The following TANGO6 variants were observed in gnomAD, a reference collection of about 807,000 sequenced individuals.
TANGO6 encodes the protein transport and Golgi organization protein 6 homolog.
A neutral mutation model predicts 114.2 loss-of-function variants in TANGO6; 90 were observed. The ratio of observed to expected loss-of-function variants is 0.79; its 90% CI spans 0.66 to 0.94. The LOEUF is 0.94. TANGO6 is among the 40% of genes least tolerant of loss of function. The pLI, the probability that TANGO6 is intolerant of heterozygous loss-of-function variation, is 0.00. For missense variants in TANGO6, 1,274 were observed against 1,315.3 expected (o/e 0.97, Z 0.49); for synonymous variants, 477 against 509.8 (o/e 0.94, Z 0.87).
intron 15 of TANGO6, among the ~76,000 whole-genome samples, chr16:68,984,581 T>C (rs1299717900): frequency 1.3e-5 from 2 of 152,078 alleles, no homozygotes; most frequent in Non-Finnish European, 2.9e-5. Context: ...AGTGCAGTGG[T>C]GCCATCACTG....
chr16:68,973,339 A>C (rs1963728307), intron 14 of TANGO6, among the ~76,000 whole-genome samples: 1 of 152,136 alleles, frequency 6.6e-6, no homozygotes, highest in Non-Finnish European at 1.5e-5. Context: ...AAGACTAATG[A>C]GAGAAAATAG....
chr16:68,917,367 C>G (rs1296935259), intron 11 of TANGO6, among the ~76,000 whole-genome samples: 6 of 152,230 alleles, frequency 3.9e-5, no homozygotes, highest in Non-Finnish European at 8.8e-5. Context: ...TATAAACAAC[C>G]ATGTGCAGGT....
intron 14 of TANGO6, among the ~76,000 whole-genome samples, chr16:68,936,997 G>A (rs979579988): frequency 2.0e-5 from 3 of 152,274 alleles, no homozygotes; most frequent in Middle Eastern, 3.4e-3. Context: ...GCAAAAGCCC[G>A]GAAGGGGGAA....
chr16:68,981,673 T>C (rs1232711044), intron 15 of TANGO6, among the ~76,000 whole-genome samples: 1 of 152,210 alleles, frequency 6.6e-6, no homozygotes, highest in African/African-American at 2.4e-5. Flanking sequence ...TCTTTTTGGG[T>C]ATTTCCTTTT....
chr16:69,004,107 T>A (rs1248722630), intron 15 of TANGO6, among the ~76,000 whole-genome samples: 2 of 152,170 alleles, frequency 1.3e-5, no homozygotes, highest in African/African-American at 2.4e-5. Context: ...TTAATGAGTT[T>A]AAATTAAATG....
intron 5 of TANGO6, among the ~76,000 whole-genome samples, chr16:68,875,880 T>A (rs898301218): frequency 7.2e-5 from 11 of 152,144 alleles, no homozygotes; most frequent in African/African-American, 2.7e-4. Context: ...TTTCTCTCCA[T>A]GTGTTTTTAG....
intron 1 of TANGO6, among the ~76,000 whole-genome samples, chr16:68,858,204 C>T (rs1427035782): frequency 1.3e-5 from 2 of 152,008 alleles, no homozygotes; most frequent in Non-Finnish European, 2.9e-5. Flanking sequence ...GCTGGAATTA[C>T]AGGCACCTGC....
At chr16:69,053,185 A>G (rs554560321) in intron 17 of TANGO6, among the ~76,000 whole-genome samples, 5 of 152,270 alleles carry the variant, frequency 3.3e-5, no homozygotes, top group African/African-American at 1.2e-4. Flanking sequence ...AGCATTTAGA[A>G]TGTATAGGTT....
chr16:69,055,325 A>G (rs1960016542), intron 17 of TANGO6, among the ~76,000 whole-genome samples: 1 of 152,208 alleles, frequency 6.6e-6, no homozygotes, highest in African/African-American at 2.4e-5. Context: ...ACTCAGAATC[A>G]CAAACTGGAA....
At chr16:69,037,357 C>G (rs571554852) in intron 16 of TANGO6, among the ~76,000 whole-genome samples, 19 of 152,196 alleles carry the variant, frequency 1.2e-4, no homozygotes, top group African/African-American at 4.3e-4. Context: ...GGCCAGGGAG[C>G]CTTGGTCTTC....
chr16:68,913,205 A>G (rs149295750), intron 11 of TANGO6, among the ~76,000 whole-genome samples: 35 of 151,880 alleles, frequency 2.3e-4, no homozygotes, highest in Non-Finnish European at 4.6e-4. Context: ...AGCTGGGACT[A>G]CAGGCATGCA....
At chr16:69,080,674 A>G (rs564598795) in intron 17 of TANGO6, among the ~76,000 whole-genome samples, 52 of 152,318 alleles carry the variant, frequency 3.4e-4, no homozygotes, top group African/African-American at 1.3e-3. Context: ...CTGGAGTAGA[A>G]CAGAGCCTTA....
chr16:69,031,517 A>G (rs1211958711), intron 16 of TANGO6, among the ~76,000 whole-genome samples: 3 of 152,006 alleles, frequency 2.0e-5, no homozygotes, highest in Non-Finnish European at 4.4e-5. Flanking sequence ...CCTGGGCAAC[A>G]TGGTTAAATC....
At chr16:69,020,904 A>ATGTGTGTGTGTGTG (rs34350425) in intron 15 of TANGO6, among the ~76,000 whole-genome samples, 2,628 of 87,110 alleles carry the variant, frequency 0.03, 21 homozygotes, top group Non-Finnish European at 0.047. Context: ...ATATGTATGT[A>ATGTGTGTGTGTGTG]TGTGTGTGTG....
At chr16:68,973,757 G>A (rs1182479952) in intron 14 of TANGO6, 2 of 452,450 alleles carry the variant, frequency 4.4e-6, no homozygotes, top group Non-Finnish European at 8.1e-6. Context: ...GCAAAGGCAG[G>A]AGGCATTGCC....
chr16:68,978,122 G>T (rs1173833048), intron 15 of TANGO6, among the ~76,000 whole-genome samples: 1 of 152,312 alleles, frequency 6.6e-6, no homozygotes, highest in East Asian at 1.9e-4. Flanking sequence ...TAGTAGGTGT[G>T]AAGGGTGTAC....
chr16:68,854,568 A>T (rs759631558), intron 1 of TANGO6, among the ~76,000 whole-genome samples: 1 of 151,386 alleles, frequency 6.6e-6, no homozygotes, highest in African/African-American at 2.4e-5. Context: ...TTTTGTATTT[A>T]TGATCTGTTT....
intron 16 of TANGO6, among the ~76,000 whole-genome samples, chr16:69,033,005 G>A (rs974812799): frequency 1.3e-5 from 2 of 152,004 alleles, no homozygotes; most frequent in African/African-American, 4.8e-5. Context: ...GGTCAACATG[G>A]TGAAACCCCA....
intron 5 of TANGO6, among the ~76,000 whole-genome samples, chr16:68,877,647 G>T (rs112655666): frequency 6.6e-6 from 1 of 151,020 alleles, no homozygotes; most frequent in Non-Finnish European, 1.5e-5. Context: ...TCGCTCTGTC[G>T]CCCAGGCTGG....
Sources: allele counts gnomAD v4.1 joint callset (sites outside exome capture counted in the v4.1 genomes callset), GRCh38; gene constraint gnomAD v4.1.1; transcripts MANE v1.5; gene names NCBI Gene and HGNC (gene_info 2026-07-23, HGNC 2026-07-21).